Variants in PEX16 observed in about 807,000 individuals in gnomAD.
The protein encoded by PEX16 is peroxin 16.
In PEX16, 37 loss-of-function variants were observed where a neutral mutation model predicts 50.5. That is an observed-to-expected ratio of 0.73 (90% CI 0.56 to 0.96). PEX16 has a LOEUF of 0.96. PEX16 is among the 40% of genes least tolerant of loss of function. PEX16 has a pLI of 0.00. For synonymous variants in PEX16, 185 were observed against 190.3 expected (o/e 0.97, Z 0.23); for missense variants, 401 against 438.3 (o/e 0.91, Z 0.76).
intron 2 of PEX16, among the ~76,000 whole-genome samples, chr11:45,916,611 G>A (rs998843379): frequency 6.6e-6 from 1 of 152,144 alleles, no homozygotes. Flanking sequence ...ACAGATACAC[G>A]GTCCCACCTC....
At chr11:45,915,329 A>G in intron 5 of PEX16, 139 bp downstream of exon 5, 1 of 668,234 alleles carries the variant, frequency 1.5e-6, no homozygotes, top group Non-Finnish European at 2.7e-6. Context: ...TCTGTCGAAT[A>G]CATGGCAATG....
rs1194761184 is a variant in PEX16, at chr11:45,909,830, C to T, written c.*424G>A. 2.2e-5 allele frequency: 12 copies of T among 547,262 alleles called. No homozygotes were observed. The highest frequency in any genetic ancestry group is 4.2e-5 in the South Asian group (2 of 48,160). 33.9% of individuals were successfully genotyped at this position (547,262 alleles called of 1,614,324 possible). On this transcript the variant is annotated 3_prime_UTR_variant, in exon 11 of 11. Transcript: ENST00000378750. Reference sequence around the variant, plus strand: ...CAGGGCCCTGCGGAGAAGGGGCAGACGGAGGGCCCCAGCCAGAAGACACGC... The same window carrying T: ...CAGGGCCCTGCGGAGAAGGGGCAGATGGAGGGCCCCAGCCAGAAGACACGC...
At chr11:45,916,621 C>T (rs955086679) in intron 2 of PEX16, among the ~76,000 whole-genome samples, 3 of 152,186 alleles carry the variant, frequency 2.0e-5, no homozygotes, top group Non-Finnish European at 2.9e-5. Flanking sequence ...GGTCCCACCT[C>T]CTGGCCCTTT....
chr11:45,912,967 C>T (rs535913033), intron 9 of PEX16, among the ~76,000 whole-genome samples: 6 of 151,676 alleles, frequency 4.0e-5, no homozygotes, highest in South Asian at 4.2e-4. Flanking sequence ...GACTTACAGG[C>T]GCACACCACC....
rs1328495315 is a variant in PEX16, at chr11:45,917,445, G to C, written c.148+13C>G. 3 of 1,613,714 alleles carry C rather than the reference G, an allele frequency of 1.9e-6. No individual in the cohort carries two copies. Among genetic ancestry groups the C allele is most frequent in the Non-Finnish European group, 2.5e-6 (3 of 1,179,828 alleles). On this transcript the variant is annotated intron_variant, in intron 2 of 10. Transcript: ENST00000378750. Reference sequence around the variant, plus strand: ...GCCGATCCCCCATCCCCCACCCCCAGAGCCCGGCTCACCCAGCTCTGACAG... The same window carrying C: ...GCCGATCCCCCATCCCCCACCCCCACAGCCCGGCTCACCCAGCTCTGACAG...
intron 2 of PEX16, 50 bp downstream of exon 2, chr11:45,917,408 A>G: frequency 6.3e-7 from 1 of 1,585,096 alleles, no homozygotes; most frequent in East Asian, 2.2e-5. Flanking sequence ...GGAACTCACC[A>G]GGGGCCAGGC....
rs10838529 is a variant in PEX16 at position 45,909,951 on chromosome 11, G to A, written c.*303C>T. On this transcript the variant is annotated 3_prime_UTR_variant, in exon 11 of 11. Coordinates refer to ENST00000378750, the MANE Select transcript of PEX16 (RefSeq NM_004813.4). ...TGTTCGCTCCTATGGCTGCCGAGGCGAGCAGCTTCCCGGGCTCCATGAGGT... is the reference window on the plus strand; with the variant it reads ...TGTTCGCTCCTATGGCTGCCGAGGCAAGCAGCTTCCCGGGCTCCATGAGGT... 0.63 allele frequency: 495,409 copies of A among 788,526 alleles called. 170,113 individuals carry two copies. The highest frequency in any genetic ancestry group is 0.73 in the Non-Finnish European group (339,360 of 464,592). The allele number at this position is 788,526 out of a possible 1,614,324, so 48.8% of individuals were successfully genotyped here.
chr11:45,914,229 C>T, intron 7 of PEX16, 26 bp from the exon 8 acceptor site: 1 of 1,613,804 alleles, frequency 6.2e-7, no homozygotes, highest in African/African-American at 1.3e-5. Flanking sequence ...TCAAGGATGT[C>T]TCCAGCACAG....
In PEX16 at chr11:45,910,932, C is replaced by G. The variant is rs753109224; in HGVS notation, c.918G>C (p.Leu306=). 7.4e-6 allele frequency: 12 copies of G among 1,613,580 alleles called. No homozygotes were observed. The highest frequency in any genetic ancestry group is 1.0e-5 in the Non-Finnish European group (12 of 1,180,024). The change falls in exon 10 of 11, where the codon CTG becomes CTC. Residue 306 remains leucine (L), a synonymous_variant. Coordinates refer to ENST00000378750, the MANE Select transcript of PEX16 (RefSeq NM_004813.4). Reference sequence around the variant, plus strand: ...GGCCAACGCCAGGGACGTGGTCGGCCAGCAACTGGAGCAGGAAGAGGATCC... The same window carrying G: ...GGCCAACGCCAGGGACGTGGTCGGCGAGCAACTGGAGCAGGAAGAGGATCC... ...EARILFLLQL[L]ADHVPGVGLV...
intron 10 of PEX16, 51 bp from the exon 11 acceptor site, chr11:45,910,363 G>A (rs968701200): frequency 6.8e-7 from 1 of 1,460,228 alleles, no homozygotes; most frequent in Admixed American, 1.7e-5. Flanking sequence ...AATCTGCACT[G>A]TGGCGCCACA....
rs377399335 is a variant in PEX16, at chr11:45,917,430, C to T, written c.148+28G>A. On this transcript the variant is annotated intron_variant, in intron 2 of 10. Coordinates refer to ENST00000378750, the MANE Select transcript of PEX16 (RefSeq NM_004813.4). Reference sequence around the variant, plus strand: ...ACCAGGGGCCAGGCAGCCGATCCCCCATCCCCCACCCCCAGAGCCCGGCTC... The same window carrying T: ...ACCAGGGGCCAGGCAGCCGATCCCCTATCCCCCACCCCCAGAGCCCGGCTC... 36 of 1,611,238 alleles carry T rather than the reference C, an allele frequency of 2.2e-5. No individual in the cohort carries two copies. The African/African-American group carries it at 4.1e-4, about 19-fold the overall frequency.
chr11:45,912,030 A>G (rs2086784053), intron 9 of PEX16: 1 of 151,800 alleles, frequency 6.6e-6, no homozygotes, highest in African/African-American at 2.4e-5. Context: ...GTCCCAAAAA[A>G]CAAAAGAAAA....
In PEX16 at chr11:45,909,893, T is replaced by G; in HGVS notation, c.*361A>C. On this transcript the variant is annotated 3_prime_UTR_variant, in exon 11 of 11. Coordinates refer to ENST00000378750, the MANE Select transcript of PEX16 (RefSeq NM_004813.4). ...AGCCATCACCCGGGTTCAGGCTTCCTGTCCTCACCAGGGGCCAGCGAGAGA... is the reference window on the plus strand; with the variant it reads ...AGCCATCACCCGGGTTCAGGCTTCCGGTCCTCACCAGGGGCCAGCGAGAGA... The G allele has an allele frequency of 3.3e-6, 2 of 613,012 alleles. No individual in the cohort carries two copies. The highest frequency in any genetic ancestry group is 5.9e-6 in the Non-Finnish European group (2 of 341,582). 38.0% of individuals were successfully genotyped at this position (613,012 alleles called of 1,614,324 possible).
chr11:45,911,318 T>C (rs2086776484), intron 9 of PEX16, among the ~76,000 whole-genome samples: 1 of 152,180 alleles, frequency 6.6e-6, no homozygotes, highest in Admixed American at 6.5e-5. Context: ...AACCCCACCC[T>C]GCCCTCGGGA....
At chr11:45,915,061 C>T (rs192152917) in intron 5 of PEX16, among the ~76,000 whole-genome samples, 15 of 152,362 alleles carry the variant, frequency 9.8e-5, no homozygotes, top group African/African-American at 2.9e-4. Flanking sequence ...AGGCAATGAA[C>T]GGCCCCAACT....
chr11:45,914,510 T>G, intron 6 of PEX16, 42 bp from the exon 7 acceptor site: 1 of 1,610,814 alleles, frequency 6.2e-7, no homozygotes, highest in Non-Finnish European at 8.5e-7. Flanking sequence ...AGGCCCAGGC[T>G]GGGGCAGGGG....
chr11:45,914,058 C>G (rs2086805901), intron 8 of PEX16, 73 bp downstream of exon 8: 1 of 1,571,488 alleles, frequency 6.4e-7, no homozygotes. Context: ...CCGCTGCCAC[C>G]CCGCCTATGT....
chr11:45,910,352 C>A, intron 10 of PEX16, 40 bp from the exon 11 acceptor site: 2 of 1,516,566 alleles, frequency 1.3e-6, no homozygotes, highest in Non-Finnish European at 1.8e-6. Flanking sequence ...GGCCAGACCC[C>A]AATCTGCACT....
intron 9 of PEX16, 66 bp from the exon 10 acceptor site, chr11:45,911,028 G>C: frequency 9.1e-7 from 1 of 1,099,700 alleles, no homozygotes; most frequent in South Asian, 1.2e-5. Context: ...AAACCAGGAG[G>C]CCCAGAGGCC....
Sources: allele counts gnomAD v4.1 joint callset (sites outside exome capture counted in the v4.1 genomes callset), GRCh38; gene constraint gnomAD v4.1.1; transcripts MANE v1.5; gene names NCBI Gene and HGNC (gene_info 2026-07-23, HGNC 2026-07-21).